Variants in MXI1 observed in about 807,000 individuals in gnomAD.
MXI1 encodes the protein max-interacting protein 1.
A neutral mutation model predicts 36.9 loss-of-function variants in MXI1; 18 were observed. That is an observed-to-expected ratio of 0.49 (90% CI 0.34 to 0.72). The LOEUF (loss-of-function observed/expected upper bound fraction) is 0.72, where lower values mean the gene tolerates loss of function less well. Among genes scored for constraint, MXI1 ranks in the 30% least tolerant of loss-of-function variants. The pLI, the probability that MXI1 is intolerant of heterozygous loss-of-function variation, is 0.01. For synonymous variants in MXI1, 160 were observed against 146.7 expected, an observed-to-expected ratio of 1.09 and a Z score of -0.65; for missense variants, 304 against 379.1, an observed-to-expected ratio of 0.80 and a Z score of 1.64.
chr10:110,209,128 T>A (rs1041628646), intron 1 of MXI1, among the ~76,000 whole-genome samples: 2 of 152,064 alleles, frequency 1.3e-5, no homozygotes, highest in Non-Finnish European at 2.9e-5. Flanking sequence ...GTCACCCAGC[T>A]TTCCCCAGGC....
chr10:110,232,904 C>T (rs1259485830), intron 2 of MXI1, among the ~76,000 whole-genome samples: 1 of 152,184 alleles, frequency 6.6e-6, no homozygotes, highest in Admixed American at 6.5e-5. Flanking sequence ...GAATGCTACA[C>T]TTAATTTTGA....
At chr10:110,226,071 G>A in intron 1 of MXI1, 1 of 1,000,472 alleles carries the variant, frequency 1.0e-6, no homozygotes, top group Non-Finnish European at 1.2e-6. Context: ...GCGGCGGAGA[G>A]CGCGCCGAGC....
chr10:110,284,237 A>T (rs1363019650), intron 5 of MXI1, among the ~76,000 whole-genome samples: 1 of 151,892 alleles, frequency 6.6e-6, no homozygotes, highest in Non-Finnish European at 1.5e-5. Context: ...ATTTCAAGCT[A>T]TATTTGATGC....
chr10:110,245,413 T>C (rs894118916), intron 3 of MXI1, among the ~76,000 whole-genome samples: 2 of 152,136 alleles, frequency 1.3e-5, no homozygotes, highest in African/African-American at 2.4e-5. Flanking sequence ...TAAAGTACTA[T>C]ATAATGTGGT....
intron 1 of MXI1, among the ~76,000 whole-genome samples, chr10:110,218,471 A>T (rs990676658): frequency 1.3e-5 from 2 of 150,866 alleles, no homozygotes; most frequent in Non-Finnish European, 3.0e-5. Flanking sequence ...AAAGATTTGG[A>T]ATCTGGAATG....
chr10:110,280,611 C>T lies in MXI1; in HGVS notation c.724+526C>T, dbSNP rs536373279. Among the ~76,000 whole-genome samples the T allele has an allele frequency of 5.7e-3, 858 of 150,404 alleles. 7 individuals carry two copies. Among genetic ancestry groups the T allele is most frequent in the African/African-American group, 0.02 (829 of 40,916 alleles). On this transcript the variant is annotated intron_variant, in intron 5 of 5. Coordinates refer to ENST00000332674, the MANE Select transcript of MXI1 (RefSeq NM_130439.3). ...AGGAGAATGGCGTGAACCCGGGAGG[C>T]GGAGCTTGCAGTGAGCCGAGATCAT...
intron 2 of MXI1, among the ~76,000 whole-genome samples, chr10:110,237,912 G>A (rs1855528461): frequency 6.6e-6 from 1 of 152,162 alleles, no homozygotes; most frequent in Non-Finnish European, 1.5e-5. Flanking sequence ...AAGTAGCTAG[G>A]AGTACAGGCA....
rs1854645560 is a variant in MXI1, at chr10:110,216,665, G to GTTTTTTTTTTGTTTTTTTTTTT, written c.274+8593_274+8594insGTTTTTTTTTTTTTTTTTTTTT. Among the ~76,000 whole-genome samples the GTTTTTTTTTTGTTTTTTTTTTT allele has an allele frequency of 2.2e-4, 17 of 79,058 alleles. 1 individual carries two copies. The highest frequency in any genetic ancestry group is 1.3e-3 in the African/African-American group (16 of 12,586). The allele number at this position is 79,058 out of a possible 152,430, so 51.9% of individuals were successfully genotyped here. A position where few individuals can be genotyped will look rare whatever the true frequency, so the allele number is the denominator to read the frequency against. ...CCTGTCTCCCCTATCTGTGTTTAAT[G>GTTTTTTTTTTGTTTTTTTTTTT]TTTTTTTTTTTTTTTTTTTTGGAGA... On this transcript the variant is annotated intron_variant, in intron 1 of 5. Transcript: ENST00000332674.
In MXI1 at chr10:110,287,354, G is replaced by A. The variant is rs1481951770; in HGVS notation, c.*2367G>A. ...AAGTTAATTGGAAGAAATAAAAACT[G>A]TGAACGAAGAATACCTTTCTTTTTG... On this transcript the variant is annotated 3_prime_UTR_variant, in exon 6 of 6. Transcript: ENST00000332674. The A allele has an allele frequency of 6.6e-6, 1 of 152,194 alleles. No individual in the cohort carries two copies. Among genetic ancestry groups the A allele is most frequent in the African/African-American group, 2.4e-5 (1 of 41,450 alleles). The allele number at this position is 152,194 out of a possible 1,614,324, so 9.4% of individuals were successfully genotyped here.
intron 2 of MXI1, among the ~76,000 whole-genome samples, chr10:110,229,914 G>A (rs899891952): frequency 4.6e-5 from 7 of 151,988 alleles, no homozygotes; most frequent in African/African-American, 1.7e-4. Flanking sequence ...CCTGGGTTCT[G>A]TCGTGCTGCA....
At chr10:110,222,676 G>A (rs1323308278) in intron 1 of MXI1, among the ~76,000 whole-genome samples, 1 of 152,196 alleles carries the variant, frequency 6.6e-6, no homozygotes, top group South Asian at 2.1e-4. Context: ...TAGGATTCCA[G>A]GTTCTTATGT....
At chr10:110,248,863 A>C (rs1403936629) in intron 3 of MXI1, among the ~76,000 whole-genome samples, 1 of 152,166 alleles carries the variant, frequency 6.6e-6, no homozygotes, top group Non-Finnish European at 1.5e-5. Context: ...TATCAACAAA[A>C]ATAAAACTCG....
intron 3 of MXI1, among the ~76,000 whole-genome samples, chr10:110,255,860 C>T (rs985591027): frequency 6.6e-6 from 1 of 151,844 alleles, no homozygotes. Context: ...CCCAGAATAA[C>T]CAAAACAATC....
chr10:110,208,798 C>T (rs983037502), intron 1 of MXI1, among the ~76,000 whole-genome samples: 38 of 152,034 alleles, frequency 2.5e-4, no homozygotes, highest in African/African-American at 8.2e-4. Flanking sequence ...CAGCTCGCCC[C>T]GGACACGCCG....
rs535554404 is a variant in MXI1, at chr10:110,259,211, A to G, written c.437+14354A>G. The stretch of plus-strand genomic sequence containing the variant: ...AAGCTGTAACTTGTTTAAGAAAACA[A>G]TTCTTCTCAAACTATGAATTTGTAA... On this transcript the variant is annotated intron_variant, in intron 3 of 5. Coordinates refer to ENST00000332674, the MANE Select transcript of MXI1 (RefSeq NM_130439.3). 1.2e-4 allele frequency among the ~76,000 whole-genome samples: 19 copies of G among 152,250 alleles called. No individual in the cohort carries two copies. The South Asian group carries it at 2.7e-3, about 22-fold the overall frequency.
intron 3 of MXI1, among the ~76,000 whole-genome samples, chr10:110,255,544 G>A (rs888782066): frequency 6.6e-6 from 1 of 152,054 alleles, no homozygotes; most frequent in African/African-American, 2.4e-5. Context: ...AAAGTAAGAT[G>A]AAAATAATTA....
intron 3 of MXI1, among the ~76,000 whole-genome samples, chr10:110,253,791 T>C (rs1005254871): frequency 9.2e-5 from 14 of 152,122 alleles, no homozygotes; most frequent in Admixed American, 7.2e-4. Context: ...TGGTTTTTAC[T>C]AAGATGCAAA....
At position 110,207,960 on chromosome 10, in the gene MXI1, T is replaced by G; in HGVS notation, c.152T>G (p.Phe51Cys). Reference protein sequence around the residue: ...DPAGAKPRCPFSDIFNTSENS... With the variant: ...DPAGAKPRCPCSDIFNTSENS... The stretch of plus-strand genomic sequence containing the variant: ...GCTGGGGCCAAGCCCAGGTGCCCCT[T>G]CTCAGACATTTTCAACACCAGCGAG... The change falls in exon 1 of 6, where the codon TTC (phenylalanine) becomes TGC (cysteine). Residue 51 changes from phenylalanine to cysteine, a missense_variant. This residue lies in a region of MXI1 where 179 missense variants were observed against 184.8 expected (regional missense o/e 0.97). Transcript: ENST00000332674. 6.3e-7 allele frequency: 1 copy of G among 1,591,990 alleles called. No individual in the cohort carries two copies. The highest frequency in any genetic ancestry group is 8.6e-7 in the Non-Finnish European group (1 of 1,169,182).
At chr10:110,249,440 A>G (rs963980801) in intron 3 of MXI1, among the ~76,000 whole-genome samples, 20 of 152,142 alleles carry the variant, frequency 1.3e-4, no homozygotes, top group Admixed American at 1.3e-3. Flanking sequence ...TTAGACAGGC[A>G]TGGTGGTGCA....
Sources: gnomAD v4.1 joint callset for allele counts (sites outside exome capture counted in the v4.1 genomes callset) on GRCh38, gnomAD v4.1.1 for gene constraint, gnomAD v4.1.1 regional missense constraint, MANE v1.5 for transcripts, NCBI Gene and HGNC (gene_info 2026-07-23, HGNC 2026-07-21) for gene names.